The following TSPAN5 variants were observed in gnomAD, a reference collection of about 807,000 sequenced individuals.
TSPAN5 encodes tetraspanin 5.
A neutral mutation model predicts 37.1 loss-of-function variants in TSPAN5; 10 were observed. The observed-to-expected ratio is 0.27, with a 90% CI of 0.17 to 0.46. The LOEUF is 0.46. Ranked by LOEUF, TSPAN5 falls within the 20% of genes least tolerant of loss-of-function variation. The pLI is 1.00. For missense variants in TSPAN5, 195 were observed against 326.6 expected (o/e 0.60, Z 3.11); for synonymous variants, 110 against 118.9 (o/e 0.93, Z 0.48).
At chr4:98,610,340 CATCA>C (rs1160292097) in intron 1 of TSPAN5, among the ~76,000 whole-genome samples, 1 of 152,176 alleles carries the variant, frequency 6.6e-6, no homozygotes, top group Non-Finnish European at 1.5e-5. Context: ...CTCCACCTCC[CATCA>C]CGGTTACACT....
chr4:98,651,087 G>T (rs1757176799), intron 1 of TSPAN5, among the ~76,000 whole-genome samples: 1 of 152,174 alleles, frequency 6.6e-6, no homozygotes, highest in African/African-American at 2.4e-5. Flanking sequence ...TAACTATATG[G>T]TAGAGAAGCC....
intron 1 of TSPAN5, among the ~76,000 whole-genome samples, chr4:98,542,719 T>TAAAAAA (rs11326064): frequency 9.8e-6 from 1 of 101,812 alleles, no homozygotes; most frequent in Non-Finnish European, 1.9e-5. Context: ...CTCATCTCTT[T>TAAAAAA]AAAAAAAAAA....
chr4:98,644,504 C>T (rs113234561), intron 1 of TSPAN5, among the ~76,000 whole-genome samples: 4 of 148,922 alleles, frequency 2.7e-5, no homozygotes, highest in Non-Finnish European at 6.0e-5. Context: ...AAAAAGCACC[C>T]TTTTTTTTTT....
intron 1 of TSPAN5, among the ~76,000 whole-genome samples, chr4:98,535,534 A>T (rs1754210827): frequency 6.6e-6 from 1 of 152,126 alleles, no homozygotes. Flanking sequence ...CTCAAGGAGT[A>T]TCTTTGTGGT....
chr4:98,649,900 G>T lies in TSPAN5; in HGVS notation c.81+8246C>A, dbSNP rs555728476. Among the ~76,000 whole-genome samples, 7 of 152,276 alleles carry T rather than the reference G, an allele frequency of 4.6e-5. No individual in the cohort carries two copies. In the East Asian group the frequency reaches 1.4e-3, roughly 29 times the overall value. On this transcript the variant is annotated intron_variant, in intron 1 of 7. Transcript: ENST00000305798. ...GACCCTAGGCAGAGCACCGTGACCA[G>T]GGCAAAGAACAATCTGGAAACAGTA... is the stretch of plus-strand genomic sequence containing the variant.
At chr4:98,490,677 A>G (rs1016971039) in intron 2 of TSPAN5, among the ~76,000 whole-genome samples, 1 of 152,218 alleles carries the variant, frequency 6.6e-6, no homozygotes, top group Non-Finnish European at 1.5e-5. Context: ...AACTAACTCA[A>G]ATCTTTTTTT....
intron 1 of TSPAN5, among the ~76,000 whole-genome samples, chr4:98,631,414 G>C (rs1322944137): frequency 6.6e-6 from 1 of 152,016 alleles, no homozygotes. Flanking sequence ...CCTGACTCCG[G>C]GTGGGTGCAC....
At chr4:98,632,205 CAT>C (rs1230968963) in intron 1 of TSPAN5, among the ~76,000 whole-genome samples, 1 of 152,202 alleles carries the variant, frequency 6.6e-6, no homozygotes, top group African/African-American at 2.4e-5. Context: ...CTCCCACTAT[CAT>C]ATTCCAAAAT....
intron 7 of TSPAN5, among the ~76,000 whole-genome samples, chr4:98,472,979 T>G (rs546487127): frequency 4.7e-4 from 71 of 152,344 alleles, no homozygotes; most frequent in Non-Finnish European, 8.5e-4. Flanking sequence ...TAGCAAAATA[T>G]TTTCAAGGTT....
intron 1 of TSPAN5, among the ~76,000 whole-genome samples, chr4:98,515,125 C>G (rs1196365977): frequency 6.6e-6 from 1 of 152,108 alleles, no homozygotes; most frequent in African/African-American, 2.4e-5. Context: ...GCACAGCCAC[C>G]AAGTGGCTGC....
chr4:98,567,965 TGGG>T (rs1755044156), intron 1 of TSPAN5, among the ~76,000 whole-genome samples: 1 of 152,030 alleles, frequency 6.6e-6, no homozygotes, highest in African/African-American at 2.4e-5. Flanking sequence ...ATCTGTAAAA[TGGG>T]GATGACAACA....
At chr4:98,498,942 G>C (rs1270545581) in intron 2 of TSPAN5, among the ~76,000 whole-genome samples, 1 of 152,182 alleles carries the variant, frequency 6.6e-6, no homozygotes, top group African/African-American at 2.4e-5. Flanking sequence ...CACGGGGACA[G>C]CACGGAAGAG....
chr4:98,520,488 C>T (rs770287824), intron 1 of TSPAN5, among the ~76,000 whole-genome samples: 5 of 152,128 alleles, frequency 3.3e-5, no homozygotes, highest in South Asian at 2.1e-4. Flanking sequence ...TGGAAATATC[C>T]GTTACCTTAC....
chr4:98,648,398 T>C (rs1348349312), intron 1 of TSPAN5, among the ~76,000 whole-genome samples: 8 of 152,120 alleles, frequency 5.3e-5, no homozygotes, highest in African/African-American at 1.9e-4. Flanking sequence ...TGTCTGTAGT[T>C]AGAGCTACTC....
chr4:98,487,455 A>T (rs1752996442), intron 2 of TSPAN5, among the ~76,000 whole-genome samples: 2 of 152,228 alleles, frequency 1.3e-5, no homozygotes, highest in Admixed American at 1.3e-4. Context: ...TTCACGCAGA[A>T]GTTAGACAAA....
At chr4:98,563,509 C>T (rs1233718402) in intron 1 of TSPAN5, among the ~76,000 whole-genome samples, 1 of 152,112 alleles carries the variant, frequency 6.6e-6, no homozygotes, top group Non-Finnish European at 1.5e-5. Flanking sequence ...CATTTGAGGC[C>T]TCCATTTTCT....
Position 98,517,568 on chromosome 4 carries a change from A to T in TSPAN5, c.82-9840T>A, listed in dbSNP as rs574611338. On this transcript the variant is annotated intron_variant, in intron 1 of 7. Coordinates refer to ENST00000305798, the MANE Select transcript of TSPAN5 (RefSeq NM_005723.4). ...TTGAAGAAATGTCTACAATCCAGGG[A>T]CAGTCTTGTTTGCAAACTCTTTTGT... Among the ~76,000 whole-genome samples the T allele has an allele frequency of 7.6e-4, 115 of 152,104 alleles. 1 individual carries two copies. Among genetic ancestry groups the T allele is most frequent in the Non-Finnish European group, 1.5e-3 (105 of 68,022 alleles).
At chr4:98,645,769 A>C (rs1265268136) in intron 1 of TSPAN5, among the ~76,000 whole-genome samples, 1 of 152,184 alleles carries the variant, frequency 6.6e-6, no homozygotes, top group Non-Finnish European at 1.5e-5. Context: ...GAGGACCATG[A>C]GGTTGATTAA....
At chr4:98,485,621 G>A (rs912421036) in intron 3 of TSPAN5, 1 of 152,074 alleles carries the variant, frequency 6.6e-6, no homozygotes, top group Non-Finnish European at 1.5e-5. Context: ...GAGCTGCTCA[G>A]AAATGGGCTG....
Sources: gnomAD v4.1 joint callset for allele counts (sites outside exome capture counted in the v4.1 genomes callset) on GRCh38, gnomAD v4.1.1 for gene constraint, MANE v1.5 for transcripts, NCBI Gene and HGNC (gene_info 2026-07-23, HGNC 2026-07-21) for gene names.